FRMPD4: variants seen among roughly 807,000 people sequenced by gnomAD.
FRMPD4 encodes the protein FERM and PDZ domain-containing protein 4.
A neutral mutation model predicts 94.1 loss-of-function variants in FRMPD4; 22 were observed. The observed-to-expected ratio is 0.23, with a 90% confidence interval of 0.17 to 0.33. The LOEUF (loss-of-function observed/expected upper bound fraction) is 0.33. FRMPD4 is among the 10% of genes least tolerant of loss of function. The pLI is 1.00. For missense variants in FRMPD4, 1,111 were observed against 1,339.9 expected (o/e 0.83, Z 2.67); for synonymous variants, 631 against 548.6 (o/e 1.15, Z -2.10).
rs759791061 is a variant in FRMPD4, at chrX:12,242,755, G to A, written c.41+103743G>A. ...TTACCTGTTTCTTTTTTTCTTTCTCGAGACAGAATGTTGCTCTGTCATCCA... is the reference window on the plus strand; with the variant it reads ...TTACCTGTTTCTTTTTTTCTTTCTCAAGACAGAATGTTGCTCTGTCATCCA... On this transcript the variant is annotated intron_variant, in intron 1 of 16. Coordinates refer to ENST00000675598, the MANE Select transcript of FRMPD4 (RefSeq NM_001368397.1). 2.0e-4 allele frequency among the ~76,000 whole-genome samples: 22 copies of A among 111,241 alleles called. No individual in the cohort carries two copies. The South Asian group carries it at 8.3e-3, about 42-fold the overall frequency.
At chrX:11,897,235 A>T (rs2053909639) in intron 3 of FRMPD4, among the ~76,000 whole-genome samples, 2 of 111,051 alleles carry the variant, frequency 1.8e-5, no homozygotes, top group South Asian at 3.8e-4. Context: ...GATTCCATTT[A>T]CATGAAATTC....
intron 4 of FRMPD4, among the ~76,000 whole-genome samples, chrX:12,666,726 A>G (rs1306809019): frequency 8.9e-6 from 1 of 111,901 alleles, no homozygotes; most frequent in Non-Finnish European, 1.9e-5. Context: ...TTTAAAACCA[A>G]TGAGAACAAA....
rs553270746 is a variant in FRMPD4 at position 12,578,450 on chromosome X, C to T, written c.159-31271C>T. Among the ~76,000 whole-genome samples, 43 of 111,555 alleles carry T rather than the reference C, an allele frequency of 3.9e-4. No individual in the cohort carries two copies. In the South Asian group the frequency reaches 0.016, roughly 40 times the overall value. On this transcript the variant is annotated intron_variant, in intron 2 of 16. Transcript: ENST00000675598. ...TTTTTGAGGTGATCATGATATTGAACTGACAGACTCACACGAAACCCCAAA... is the reference window on the plus strand; with the variant it reads ...TTTTTGAGGTGATCATGATATTGAATTGACAGACTCACACGAAACCCCAAA...
intron 1 of FRMPD4, among the ~76,000 whole-genome samples, chrX:12,168,861 G>A (rs1365090797): frequency 9.0e-6 from 1 of 111,235 alleles, no homozygotes; most frequent in Non-Finnish European, 1.9e-5. Context: ...TCCTGACCTC[G>A]TGATCTGCCC....
chrX:12,106,080 C>A (rs946173307), intron 3 of FRMPD4, among the ~76,000 whole-genome samples: 3 of 111,813 alleles, frequency 2.7e-5, no homozygotes, highest in Non-Finnish European at 5.6e-5. Context: ...CTCTTCAAAG[C>A]AGAAAGGGAG....
At chrX:12,514,720 G>T (rs879039180) in intron 2 of FRMPD4, among the ~76,000 whole-genome samples, 1 of 111,925 alleles carries the variant, frequency 8.9e-6, no homozygotes, top group Non-Finnish European at 1.9e-5. Flanking sequence ...GATGATGCTG[G>T]CCTCATAAAA....
intron 1 of FRMPD4, among the ~76,000 whole-genome samples, chrX:12,193,815 G>A (rs868675143): frequency 0.12 from 3,076 of 24,753 alleles, 1,038 homozygotes; most frequent in East Asian, 0.36. Flanking sequence ...AGGAAGGAAG[G>A]AAGGAAGGAA....
At chrX:11,830,638 A>T (rs996108249) in intron 1 of FRMPD4, among the ~76,000 whole-genome samples, 3 of 112,281 alleles carry the variant, frequency 2.7e-5, no homozygotes, top group Admixed American at 9.5e-5. Context: ...GTAATTTTTT[A>T]AAAAAGCTTG....
At chrX:12,654,617 T>C (rs187863063) in intron 4 of FRMPD4, among the ~76,000 whole-genome samples, 182 of 111,912 alleles carry the variant, frequency 1.6e-3, no homozygotes, top group African/African-American at 5.8e-3. Flanking sequence ...AAGTCAAAGT[T>C]CTACCATGTA....
chrX:12,520,206 G>C (rs1215386553), intron 2 of FRMPD4, among the ~76,000 whole-genome samples: 1 of 111,724 alleles, frequency 9.0e-6, no homozygotes, highest in Non-Finnish European at 1.9e-5. Flanking sequence ...GAAAACTATG[G>C]AAATACTGTT....
intron 1 of FRMPD4, among the ~76,000 whole-genome samples, chrX:12,426,739 C>T (rs188960715): frequency 9.0e-6 from 1 of 111,701 alleles, no homozygotes; most frequent in East Asian, 2.8e-4. Flanking sequence ...GAAGAACACT[C>T]CTATCAGTCC....
chrX:11,909,034 T>C (rs1354224134), intron 3 of FRMPD4, among the ~76,000 whole-genome samples: 1 of 112,086 alleles, frequency 8.9e-6, no homozygotes, highest in African/African-American at 3.2e-5. Flanking sequence ...TAATATCTTT[T>C]TCTTGTTTTT....
At chrX:12,458,007 T>C (rs1037645341) in intron 1 of FRMPD4, among the ~76,000 whole-genome samples, 2 of 111,827 alleles carry the variant, frequency 1.8e-5, no homozygotes, top group Non-Finnish European at 3.8e-5. Context: ...TCACTGTGCC[T>C]AGACAATTTG....
At chrX:12,399,400 T>TA (rs1162158841) in intron 1 of FRMPD4, among the ~76,000 whole-genome samples, 1 of 111,643 alleles carries the variant, frequency 9.0e-6, no homozygotes, top group Non-Finnish European at 1.9e-5. Context: ...TAGTTGTAGA[T>TA]ACTTGATATA....
At chrX:12,153,359 T>A (rs1439676980) in intron 1 of FRMPD4, among the ~76,000 whole-genome samples, 1 of 112,316 alleles carries the variant, frequency 8.9e-6, no homozygotes, top group Non-Finnish European at 1.9e-5. Context: ...TCCAGCGATG[T>A]ATTGATGGAT....
intron 2 of FRMPD4, among the ~76,000 whole-genome samples, chrX:12,546,679 G>T (rs1223516285): frequency 9.0e-6 from 1 of 111,127 alleles, no homozygotes; most frequent in East Asian, 2.8e-4. Context: ...GCTGTAGTTG[G>T]GAATACAAAG....
At chrX:12,634,061 A>G (rs1317379571) in intron 4 of FRMPD4, among the ~76,000 whole-genome samples, 1 of 112,439 alleles carries the variant, frequency 8.9e-6, no homozygotes, top group Non-Finnish European at 1.9e-5. Flanking sequence ...TTTTGTATCA[A>G]CCTCTTTGCT....
At chrX:12,300,657 T>G (rs1017974067) in intron 1 of FRMPD4, among the ~76,000 whole-genome samples, 1 of 112,075 alleles carries the variant, frequency 8.9e-6, no homozygotes, top group African/African-American at 3.2e-5. Context: ...ATCTGAAAAG[T>G]AGTTCCTGAA....
At chrX:12,283,896 C>T (rs1272110270) in intron 1 of FRMPD4, among the ~76,000 whole-genome samples, 1 of 111,322 alleles carries the variant, frequency 9.0e-6, no homozygotes, top group Non-Finnish European at 1.9e-5. Flanking sequence ...TAGATTTTTC[C>T]AAATTGTATT....
Sources: gnomAD v4.1 joint callset for allele counts (sites outside exome capture counted in the v4.1 genomes callset) on GRCh38, gnomAD v4.1.1 for gene constraint, MANE v1.5 for transcripts, NCBI Gene and HGNC (gene_info 2026-07-23, HGNC 2026-07-21) for gene names.